The following SPAG17 variants were observed in gnomAD, a reference collection of about 807,000 sequenced individuals.
The protein encoded by SPAG17 is sperm associated antigen 17.
Under a neutral mutation model 273.6 loss-of-function variants are expected in SPAG17, and 169 were observed. The ratio of observed to expected loss-of-function variants is 0.62; its 90% confidence interval spans 0.55 to 0.70. The LOEUF is 0.70. Ranked by LOEUF, SPAG17 falls within the 30% of genes least tolerant of loss-of-function variation. The pLI is 0.00. For synonymous variants in SPAG17, 825 were observed against 873.2 expected (o/e 0.94, Z 0.97); for missense variants, 2,557 against 2,627.8 (o/e 0.97, Z 0.59).
chr1:117,969,451 C>T (rs186246523), intron 46 of SPAG17, among the ~76,000 whole-genome samples: 7 of 152,076 alleles, frequency 4.6e-5, no homozygotes, highest in South Asian at 2.1e-4. Flanking sequence ...TGGTGGCATG[C>T]GCCTGTAATC....
intron 46 of SPAG17, among the ~76,000 whole-genome samples, chr1:117,968,151 C>T (rs1654087650): frequency 6.6e-6 from 1 of 151,954 alleles, no homozygotes; most frequent in Admixed American, 6.5e-5. Context: ...GGCAACTAAC[C>T]AAGCTGAACG....
chr1:118,006,443 A>T (rs1189687883), intron 31 of SPAG17, among the ~76,000 whole-genome samples: 1 of 152,210 alleles, frequency 6.6e-6, no homozygotes, highest in African/African-American at 2.4e-5. Flanking sequence ...CATTTTATGG[A>T]TAAGTAATAT....
chr1:118,067,330 G>C (rs1020939615), intron 17 of SPAG17, among the ~76,000 whole-genome samples: 4 of 152,230 alleles, frequency 2.6e-5, no homozygotes, highest in African/African-American at 9.7e-5. Flanking sequence ...TTAACTGCTA[G>C]TGTGATGGTA....
chr1:118,151,422 C>A (rs375295572), intron 1 of SPAG17, 53 bp from the exon 2 acceptor site: 1 of 1,462,468 alleles, frequency 6.8e-7, no homozygotes, highest in Non-Finnish European at 9.3e-7. Flanking sequence ...TAGGTCATTT[C>A]GTGTCAAATA....
At chr1:118,010,080 T>G (rs1484162918) in intron 30 of SPAG17, among the ~76,000 whole-genome samples, 1 of 151,998 alleles carries the variant, frequency 6.6e-6, no homozygotes, top group African/African-American at 2.4e-5. Context: ...TACCAGCCAT[T>G]GGGGTGAGGA....
chr1:118,025,286 G>T lies in SPAG17; in HGVS notation c.3861C>A (p.Ile1287=). Residue 1287 remains isoleucine (I), a synonymous_variant, in exon 27 of 49, where the codon ATC becomes ATA. Transcript: ENST00000336338. ...PPAEQEASRV[I]TSQGTVVKYM... is the part of the protein sequence containing the mutation. ...ATTTGACAACAGTGCCTTGACTGGT[G>T]ATAACCCTTGAAGCCTCCTGCTCTG... 1 of 1,613,710 alleles carries T rather than the reference G, an allele frequency of 6.2e-7. No individual in the cohort carries two copies. Among genetic ancestry groups the T allele is most frequent in the South Asian group, 1.1e-5 (1 of 91,068 alleles).
chr1:118,045,125 A>T lies in SPAG17; in HGVS notation c.2815-3083T>A, dbSNP rs556711633. On this transcript the variant is annotated intron_variant, in intron 20 of 48. Coordinates refer to ENST00000336338, the MANE Select transcript of SPAG17 (RefSeq NM_206996.4). ...CTGTGATATTGGGGTATAATAAGAA[A>T]CAGATATTTGGTCATCATTCCTGGC... 2.0e-5 allele frequency among the ~76,000 whole-genome samples: 3 copies of T among 152,292 alleles called. No homozygotes were observed. In the East Asian group the frequency reaches 5.8e-4, roughly 29 times the overall value.
chr1:118,149,626 A>T (rs963161788), intron 3 of SPAG17, among the ~76,000 whole-genome samples: 11 of 152,228 alleles, frequency 7.2e-5, no homozygotes, highest in Admixed American at 6.5e-4. Flanking sequence ...AGCACTGTCT[A>T]TTGTGAATAA....
chr1:118,170,908 C>A (rs1294057930), intron 1 of SPAG17, among the ~76,000 whole-genome samples: 1 of 152,178 alleles, frequency 6.6e-6, no homozygotes, highest in African/African-American at 2.4e-5. Flanking sequence ...CAGAAGCAGG[C>A]AGGCTAATTA....
intron 18 of SPAG17, among the ~76,000 whole-genome samples, chr1:118,063,479 T>C (rs2102042525): frequency 6.6e-6 from 1 of 152,236 alleles, no homozygotes; most frequent in South Asian, 2.1e-4. Flanking sequence ...AAACAAAAAA[T>C]GGGGAAAAGA....
intron 28 of SPAG17, among the ~76,000 whole-genome samples, chr1:118,017,405 G>C (rs1454319849): frequency 1.3e-5 from 2 of 152,062 alleles, no homozygotes; most frequent in Non-Finnish European, 2.9e-5. Flanking sequence ...GGTATACACA[G>C]ACAACTACTA....
At position 117,991,817 on chromosome 1, in the gene SPAG17, A is replaced by G. The variant is rs116031688; in HGVS notation, c.5362-289T>C. Among the ~76,000 whole-genome samples, 619 of 152,314 alleles carry G rather than the reference A, an allele frequency of 4.1e-3. 3 individuals are homozygous for G. The highest frequency in any genetic ancestry group is 0.014 in the African/African-American group (592 of 41,568). On this transcript the variant is annotated intron_variant, in intron 36 of 48. Transcript: ENST00000336338. ...GCACTTAAGTGTCCTCATCAATAAA[A>G]TGGACAGAATTGGGTTAGATGATGT...
chr1:118,051,065 T>C (rs544621142), intron 20 of SPAG17, among the ~76,000 whole-genome samples: 63 of 151,820 alleles, frequency 4.1e-4, no homozygotes, highest in African/African-American at 1.5e-3. Context: ...ATAACCCAAT[T>C]AAAAAATGAG....
At chr1:118,108,292 A>G (rs1329420546) in intron 4 of SPAG17, among the ~76,000 whole-genome samples, 1 of 152,164 alleles carries the variant, frequency 6.6e-6, no homozygotes, top group Non-Finnish European at 1.5e-5. Context: ...TTTCAAAGTG[A>G]AATATCCTTT....
At chr1:117,960,128 GTGTGTGTGTGTGTGTGTGTA>G (rs1473502882) in intron 48 of SPAG17, 5 of 147,574 alleles carry the variant, frequency 3.4e-5, no homozygotes, top group African/African-American at 1.3e-4. Context: ...GTGTGTGTGT[GTGTGTGTGTGTGTGTGTGTA>G]TGTGTATGTG....
intron 4 of SPAG17, among the ~76,000 whole-genome samples, chr1:118,113,784 T>C (rs1336068640): frequency 1.3e-5 from 2 of 152,138 alleles, no homozygotes; most frequent in Non-Finnish European, 2.9e-5. Context: ...AATTGTATTA[T>C]TAGAGTTCAC....
chr1:117,973,572 G>T lies in SPAG17; in HGVS notation c.6005-11C>A. 6.2e-7 allele frequency: 1 copy of T among 1,612,204 alleles called. No individual in the cohort carries two copies. Among genetic ancestry groups the T allele is most frequent in the East Asian group, 2.2e-5 (1 of 44,852 alleles). On this transcript the variant is annotated splice_polypyrimidine_tract_variant and intron_variant, in intron 43 of 48. Coordinates refer to ENST00000336338, the MANE Select transcript of SPAG17 (RefSeq NM_206996.4). ...CATAAGATTCTGCTTCTGTTAGAGA[G>T]AAAGCTTAAATTATGCCACATGGAC...
At chr1:117,957,269 C>T in intron 48 of SPAG17, 6 of 1,492,980 alleles carry the variant, frequency 4.0e-6, no homozygotes, top group Non-Finnish European at 5.4e-6. Context: ...CTGAAGCTGT[C>T]AACACTTTGG....
intron 38 of SPAG17, among the ~76,000 whole-genome samples, chr1:117,988,659 T>C (rs1274184661): frequency 6.6e-6 from 1 of 152,192 alleles, no homozygotes; most frequent in Non-Finnish European, 1.5e-5. Flanking sequence ...TGGTGGGATG[T>C]CAATGGGAGA....
Sources: gnomAD v4.1 joint callset for allele counts (sites outside exome capture counted in the v4.1 genomes callset) on GRCh38, gnomAD v4.1.1 for gene constraint, MANE v1.5 for transcripts, NCBI Gene and HGNC (gene_info 2026-07-23, HGNC 2026-07-21) for gene names.